Variants in TRAK2 observed in about 807,000 individuals in gnomAD.
TRAK2 encodes trafficking kinesin-binding protein 2.
Under a neutral mutation model 104.6 loss-of-function variants are expected in TRAK2, and 81 were observed. The observed-to-expected ratio is 0.77, with a 90% CI of 0.65 to 0.93. TRAK2 has a LOEUF of 0.93. TRAK2 is among the 40% of genes least tolerant of loss of function. The probability of loss-of-function intolerance (pLI) is 0.00; values close to 1 mark genes in which losing one functional copy is unlikely to be tolerated. For missense variants in TRAK2, 1,002 were observed against 1,089.0 expected (o/e 0.92, Z 1.12); for synonymous variants, 406 against 394.4 (o/e 1.03, Z -0.35).
rs1951304128 is a variant in TRAK2 at position 201,378,004 on chromosome 2, T to C, written c.*2539A>G. 6.6e-6 allele frequency: 1 copy of C among 152,382 alleles called. No individual in the cohort carries two copies. The highest frequency in any genetic ancestry group is 1.5e-5 in the Non-Finnish European group (1 of 68,034). The allele number at this position is 152,382 out of a possible 1,614,324, so 9.4% of individuals were successfully genotyped here. A position where few individuals can be genotyped will look rare whatever the true frequency, so the allele number is the denominator to read the frequency against. Reference sequence around the variant, plus strand: ...CAGATAAATTGGGAGGAATCAGCTATTAGGCTCCAATTCTTCTTACTATAT... The same window carrying C: ...CAGATAAATTGGGAGGAATCAGCTACTAGGCTCCAATTCTTCTTACTATAT... On this transcript the variant is annotated 3_prime_UTR_variant, in exon 16 of 16. Coordinates refer to ENST00000332624, the MANE Select transcript of TRAK2 (RefSeq NM_015049.3).
Position 201,420,629 on chromosome 2 carries a change from G to C in TRAK2, c.-122C>G. Reference sequence around the variant, plus strand: ...TCACATGGATATTTTCTTTTAGACAGATTTTCTCTGATGAGTCAAATGACA... The same window carrying C: ...TCACATGGATATTTTCTTTTAGACACATTTTCTCTGATGAGTCAAATGACA... On this transcript the variant is annotated 5_prime_UTR_variant, in exon 2 of 16. In the 5' UTR this introduces an upstream ATG that the reference lacks. Transcript: ENST00000332624. The C allele has an allele frequency of 1.3e-6, 1 of 742,400 alleles. No homozygotes were observed. The highest frequency in any genetic ancestry group is 2.3e-6 in the Non-Finnish European group (1 of 439,394). The allele number at this position is 742,400 out of a possible 1,614,324, so 46.0% of individuals were successfully genotyped here.
chr2:201,429,571 T>C (rs1951822881), intron 1 of TRAK2, among the ~76,000 whole-genome samples: 1 of 152,184 alleles, frequency 6.6e-6, no homozygotes, highest in Non-Finnish European at 1.5e-5. Context: ...CTTTTTACTC[T>C]TTTTTCTCTA....
At chr2:201,385,675 T>C (rs975434289) in intron 14 of TRAK2, among the ~76,000 whole-genome samples, 1 of 152,220 alleles carries the variant, frequency 6.6e-6, no homozygotes, top group African/African-American at 2.4e-5. Context: ...TTCCTTCATA[T>C]TGTTCAACTG....
At position 201,379,846 on chromosome 2, in the gene TRAK2, A is replaced by C. The variant is rs1951322460; in HGVS notation, c.*697T>G. The C allele has an allele frequency of 6.6e-6, 1 of 152,216 alleles. No homozygotes were observed. The highest frequency in any genetic ancestry group is 1.5e-5 in the Non-Finnish European group (1 of 67,988). 9.4% of individuals were successfully genotyped at this position (152,216 alleles called of 1,614,324 possible). On this transcript the variant is annotated 3_prime_UTR_variant, in exon 16 of 16. Coordinates refer to ENST00000332624, the MANE Select transcript of TRAK2 (RefSeq NM_015049.3). ...TTTTTGGAGGTTGTATAAAAATACA[A>C]ATTTAAAAAATGAACTTTTATTAAT... is the stretch of plus-strand genomic sequence containing the variant.
intron 1 of TRAK2, among the ~76,000 whole-genome samples, chr2:201,446,368 G>A (rs1011154584): frequency 6.6e-6 from 1 of 152,244 alleles, no homozygotes; most frequent in East Asian, 1.9e-4. Flanking sequence ...TCCCACACCA[G>A]CTCAATGCCA....
Position 201,394,823 on chromosome 2 carries a change from T to C in TRAK2, c.950A>G (p.Asp317Gly). The C allele has an allele frequency of 6.2e-7, 1 of 1,614,038 alleles. No homozygotes were observed. Among genetic ancestry groups the C allele is most frequent in the Non-Finnish European group, 8.5e-7 (1 of 1,179,928 alleles). The change falls in exon 9 of 16, where the codon GAT (aspartate) becomes GGT (glycine). Residue 317 changes from aspartate (D) to glycine (G), a missense_variant. Asp to Gly is a moderately conservative substitution (Grantham distance 94, BLOSUM62 -1). Transcript: ENST00000332624. ...CTCCATTGTCAGTTGCCGTTGGGCA[T>C]CTTTGGAAGCTTGCAGGTGAAGTTT... ...ELKLHLQASKDAQRQLTMELH... is the reference protein window; with the variant it reads ...ELKLHLQASKGAQRQLTMELH...
intron 1 of TRAK2, among the ~76,000 whole-genome samples, chr2:201,420,992 GA>G (rs1233472004): frequency 6.6e-6 from 1 of 152,170 alleles, no homozygotes; most frequent in African/African-American, 2.4e-5. Flanking sequence ...AAAGTTTTTG[GA>G]ATGATGAATA....
intron 1 of TRAK2, among the ~76,000 whole-genome samples, chr2:201,442,404 A>G (rs985565425): frequency 6.6e-6 from 1 of 152,054 alleles, no homozygotes; most frequent in African/African-American, 2.4e-5. Flanking sequence ...AAAAAAAGAA[A>G]AGGGCAGAGA....
intron 1 of TRAK2, among the ~76,000 whole-genome samples, chr2:201,426,905 T>C (rs779042142): frequency 2.6e-5 from 4 of 152,222 alleles, no homozygotes; most frequent in South Asian, 2.1e-4. Flanking sequence ...CATAGTTCCA[T>C]GGATGTGGCC....
chr2:201,441,620 A>T (rs1293868543), intron 1 of TRAK2, among the ~76,000 whole-genome samples: 1 of 151,324 alleles, frequency 6.6e-6, no homozygotes, highest in Admixed American at 6.6e-5. Context: ...TCTCAGAAGC[A>T]TTTTAGTTGG....
At chr2:201,396,946 G>T (rs1002549374) in intron 7 of TRAK2, among the ~76,000 whole-genome samples, 2 of 152,216 alleles carry the variant, frequency 1.3e-5, no homozygotes, top group Admixed American at 6.5e-5. Flanking sequence ...ACAATGAGAA[G>T]TGAAACTGCA....
intron 1 of TRAK2, among the ~76,000 whole-genome samples, chr2:201,431,358 T>G (rs1367186908): frequency 6.6e-6 from 1 of 152,184 alleles, no homozygotes. Context: ...AAATGAAAAG[T>G]GTCAATGGAC....
At chr2:201,425,671 G>C (rs1224077295) in intron 1 of TRAK2, among the ~76,000 whole-genome samples, 3 of 151,964 alleles carry the variant, frequency 2.0e-5, no homozygotes, top group African/African-American at 7.2e-5. Flanking sequence ...AAAGTGCTGG[G>C]ATTACAGGCA....
At chr2:201,398,915 T>G (rs1951525057) in intron 5 of TRAK2, among the ~76,000 whole-genome samples, 1 of 152,132 alleles carries the variant, frequency 6.6e-6, no homozygotes, top group Non-Finnish European at 1.5e-5. Flanking sequence ...AAATTTGAAA[T>G]GTAACCATCC....
At chr2:201,441,830 T>A (rs1297224796) in intron 1 of TRAK2, among the ~76,000 whole-genome samples, 2 of 151,748 alleles carry the variant, frequency 1.3e-5, no homozygotes, top group African/African-American at 4.8e-5. Flanking sequence ...TAGCTGGGAT[T>A]ACAGGTGTGC....
intron 2 of TRAK2, among the ~76,000 whole-genome samples, chr2:201,417,241 CAAAAAAAAAAA>C (rs61702415): frequency 1.1e-5 from 1 of 88,432 alleles, no homozygotes; most frequent in Non-Finnish European, 2.2e-5. Context: ...GAAGACATTG[CAAAAAAAAAAA>C]AAAAAAAGAA....
At chr2:201,390,494 G>A (rs1951436785) in intron 10 of TRAK2, among the ~76,000 whole-genome samples, 1 of 147,866 alleles carries the variant, frequency 6.8e-6, no homozygotes, top group Middle Eastern at 3.3e-3. Context: ...AACCCGGGAG[G>A]CAGAGCTTTC....
chr2:201,441,755 G>A (rs935786925), intron 1 of TRAK2, among the ~76,000 whole-genome samples: 2 of 148,872 alleles, frequency 1.3e-5, no homozygotes, highest in African/African-American at 2.5e-5. Context: ...GCAGAGGCGC[G>A]ATCTCAGCTC....
intron 2 of TRAK2, among the ~76,000 whole-genome samples, chr2:201,416,695 TA>T (rs887823548): frequency 3.3e-5 from 5 of 152,096 alleles, no homozygotes; most frequent in African/African-American, 1.2e-4. Flanking sequence ...TGTAGAATGG[TA>T]GGGGGAAATG....
Sources: allele counts gnomAD v4.1 joint callset (sites outside exome capture counted in the v4.1 genomes callset), GRCh38; gene constraint gnomAD v4.1.1; transcripts MANE v1.5; gene names NCBI Gene and HGNC (gene_info 2026-07-23, HGNC 2026-07-21).